Variants in RABEPK observed in about 807,000 individuals in gnomAD.
RABEPK encodes 40 kDa Rab9 effector protein.
Under a neutral mutation model 34.1 loss-of-function variants are expected in RABEPK, and 27 were observed. That is an observed-to-expected ratio of 0.79 (90% CI 0.58 to 1.09). RABEPK has a LOEUF of 1.09. RABEPK is among the 50% of genes least tolerant of loss of function. RABEPK has a pLI of 0.00. For missense variants in RABEPK, 449 were observed against 462.6 expected, an observed-to-expected ratio of 0.97 and a Z score of 0.27; for synonymous variants, 172 against 169.2, an observed-to-expected ratio of 1.02 and a Z score of -0.13.
At chr9:125,215,032 C>G (rs973351249) in intron 4 of RABEPK, among the ~76,000 whole-genome samples, 1 of 151,914 alleles carries the variant, frequency 6.6e-6, no homozygotes, top group Non-Finnish European at 1.5e-5. Context: ...TCAGGTGATC[C>G]GCCCACCTCA....
At position 125,208,685 on chromosome 9, in the gene RABEPK, A is replaced by G. The variant is rs577057693; in HGVS notation, c.211+964A>G. Among the ~76,000 whole-genome samples the G allele has an allele frequency of 2.0e-5, 3 of 151,748 alleles. No homozygotes were observed. The South Asian group carries it at 6.3e-4, about 32-fold the overall frequency. On this transcript the variant is annotated intron_variant, in intron 3 of 7. Transcript: ENST00000373538. ...TGAGAAGCTGGGATTACAGGCGCCCACCACTACACCCAGCTAATCTTTTGT... is the reference window on the plus strand; with the variant it reads ...TGAGAAGCTGGGATTACAGGCGCCCGCCACTACACCCAGCTAATCTTTTGT...
chr9:125,207,320 A>G (rs191955710), intron 2 of RABEPK, among the ~76,000 whole-genome samples: 2 of 152,252 alleles, frequency 1.3e-5, no homozygotes, highest in East Asian at 1.9e-4. Context: ...ATGGGGAAAA[A>G]TAAGCCCAGT....
At chr9:125,216,098 G>A (rs1447648891) in intron 4 of RABEPK, among the ~76,000 whole-genome samples, 2 of 152,136 alleles carry the variant, frequency 1.3e-5, no homozygotes, top group African/African-American at 2.4e-5. Flanking sequence ...TTCCAGAGCA[G>A]CCTGGCCAAC....
At chr9:125,203,801 G>A (rs765334968) in intron 2 of RABEPK, among the ~76,000 whole-genome samples, 3 of 152,116 alleles carry the variant, frequency 2.0e-5, no homozygotes, top group African/African-American at 7.2e-5. Context: ...GGGAGGCCAA[G>A]GCGGGTGGAT....
At chr9:125,202,387 G>T (rs1371823748) in intron 1 of RABEPK, among the ~76,000 whole-genome samples, 2 of 151,654 alleles carry the variant, frequency 1.3e-5, no homozygotes, top group African/African-American at 4.8e-5. Context: ...AGCTGGGCGT[G>T]GGTGGGCACC....
intron 3 of RABEPK, among the ~76,000 whole-genome samples, chr9:125,212,349 A>C (rs1057169731): frequency 6.6e-6 from 1 of 152,154 alleles, no homozygotes; most frequent in Non-Finnish European, 1.5e-5. Context: ...CCTCCCAAGC[A>C]GCTGGGACTA....
intron 3 of RABEPK, among the ~76,000 whole-genome samples, chr9:125,210,738 G>A (rs1049674158): frequency 2.0e-5 from 3 of 149,716 alleles, no homozygotes; most frequent in Admixed American, 6.7e-5. Flanking sequence ...TAAAAGAAAC[G>A]ATTATTCTTT....
chr9:125,206,575 C>A (rs1415520691), intron 2 of RABEPK, among the ~76,000 whole-genome samples: 1 of 152,012 alleles, frequency 6.6e-6, no homozygotes, highest in Non-Finnish European at 1.5e-5. Flanking sequence ...GCTTTGGCTT[C>A]CATCAGATTG....
chr9:125,202,419 G>A (rs537150830), intron 1 of RABEPK, among the ~76,000 whole-genome samples: 1 of 152,176 alleles, frequency 6.6e-6, no homozygotes, highest in African/African-American at 2.4e-5. Flanking sequence ...CTACTCAGGA[G>A]GCTGAGAAAG....
rs776019249 is a variant in RABEPK, at chr9:125,207,622, T to C, written c.112T>C (p.Tyr38His). The C allele has an allele frequency of 2.0e-5, 32 of 1,614,054 alleles. No homozygotes were observed. Among genetic ancestry groups the C allele is most frequent in the Middle Eastern group, 1.6e-4 (1 of 6,084 alleles). The change falls in exon 3 of 8, where the codon TAT becomes CAT. Residue 38 changes from tyrosine (Y) to histidine (H), a missense_variant. Coordinates refer to ENST00000373538, the MANE Select transcript of RABEPK (RefSeq NM_005833.4). ...PCARVGHSCSYLPPVGNAKRG... is the reference protein window; with the variant it reads ...PCARVGHSCSHLPPVGNAKRG... ...TGCTCGAGTTGGCCACAGCTGTTCA[T>C]ATTTACCCCCAGTTGGTAATGCCAA... is the stretch of plus-strand genomic sequence containing the variant.
In RABEPK at chr9:125,200,593, G is replaced by A. The variant is rs954322181; in HGVS notation, c.-320G>A. On this transcript the variant is annotated 5_prime_UTR_variant, in exon 1 of 8. Coordinates refer to ENST00000373538, the MANE Select transcript of RABEPK (RefSeq NM_005833.4). ...GTCGCCGCAGGTATTGCAGTCCGGG[G>A]CTGGAGGGTAGGGGCGAGGGTCCCC... The A allele has an allele frequency of 1.1e-5, 5 of 439,676 alleles. No individual in the cohort carries two copies. Among genetic ancestry groups the A allele is most frequent in the African/African-American group, 1.0e-4 (5 of 49,672 alleles). The allele number at this position is 439,676 out of a possible 1,614,324, so 27.2% of individuals were successfully genotyped here.
chr9:125,224,441 A>G (rs1326750179), intron 5 of RABEPK, among the ~76,000 whole-genome samples: 1 of 147,090 alleles, frequency 6.8e-6, no homozygotes, highest in African/African-American at 2.5e-5. Flanking sequence ...CAGCTCTTAA[A>G]AGTAGGTATT....
At chr9:125,220,425 A>G (rs1232558565) in intron 4 of RABEPK, 114 bp from the exon 5 acceptor site, 12 of 1,497,190 alleles carry the variant, frequency 8.0e-6, no homozygotes, top group Non-Finnish European at 1.1e-5. Flanking sequence ...GCCCAAAACT[A>G]TGCTGGCCCC....
intron 3 of RABEPK, among the ~76,000 whole-genome samples, chr9:125,211,108 G>T (rs1413378986): frequency 3.3e-5 from 5 of 151,008 alleles, no homozygotes; most frequent in Non-Finnish European, 7.4e-5. Flanking sequence ...GTGGTGGCGG[G>T]CGCCTGTAGT....
intron 6 of RABEPK, among the ~76,000 whole-genome samples, chr9:125,230,599 A>ATG: frequency 1.3e-5 from 2 of 148,660 alleles, no homozygotes; most frequent in African/African-American, 5.0e-5. Flanking sequence ...GCAGTGGTGC[A>ATG]ATCTTGGCTC....
At chr9:125,218,200 G>T (rs982649518) in intron 4 of RABEPK, among the ~76,000 whole-genome samples, 1 of 151,128 alleles carries the variant, frequency 6.6e-6, no homozygotes, top group Admixed American at 6.6e-5. Context: ...GATGCCTGTA[G>T]TCCCAGCTGC....
rs1217724867 is a variant in RABEPK at position 125,216,532 on chromosome 9, TA to T, written c.364+3012del. ...CACATTTAGACAGTATGTTATCTTT[TA>T]ATTTGATTTATTTGTTTGGGTATTT... On this transcript the variant is annotated intron_variant, in intron 4 of 7. Transcript: ENST00000373538. Among the ~76,000 whole-genome samples, 5 of 152,312 alleles carry T rather than the reference TA, an allele frequency of 3.3e-5. No individual in the cohort carries two copies. In the East Asian group the frequency reaches 9.6e-4, roughly 29 times the overall value.
intron 1 of RABEPK, 54 bp from the exon 2 acceptor site, chr9:125,202,954 G>T: frequency 1.4e-6 from 2 of 1,444,044 alleles, no homozygotes; most frequent in South Asian, 2.3e-5. Context: ...AGGTTGAATT[G>T]ATTAAGATGA....
chr9:125,215,468 C>A (rs1014727742), intron 4 of RABEPK, among the ~76,000 whole-genome samples: 4 of 151,838 alleles, frequency 2.6e-5, no homozygotes, highest in Non-Finnish European at 2.9e-5. Context: ...TGCCACCATG[C>A]CTAGCTAATT....
Sources: gnomAD v4.1 joint callset for allele counts (sites outside exome capture counted in the v4.1 genomes callset) on GRCh38, gnomAD v4.1.1 for gene constraint, MANE v1.5 for transcripts, NCBI Gene and HGNC (gene_info 2026-07-23, HGNC 2026-07-21) for gene names.